ANKRD26: variants seen among roughly 807,000 people sequenced by gnomAD.
ANKRD26 encodes ankyrin repeat domain 26.
Under a neutral mutation model 208.7 loss-of-function variants are expected in ANKRD26, and 141 were observed. That is an observed-to-expected ratio of 0.68 (90% confidence interval 0.59 to 0.78). The LOEUF is 0.78. Among genes scored for constraint, ANKRD26 ranks in the 30% least tolerant of loss-of-function variants. The pLI is 0.00. For synonymous variants in ANKRD26, 636 were observed against 660.4 expected (o/e 0.96, Z 0.57); for missense variants, 1,889 against 1,938.7 (o/e 0.97, Z 0.48).
intron 12 of ANKRD26, among the ~76,000 whole-genome samples, chr10:27,062,898 G>A (rs534680247): frequency 3.2e-4 from 49 of 151,976 alleles, no homozygotes; most frequent in African/African-American, 1.0e-3. Flanking sequence ...CTCCCAAGTA[G>A]CTAGGATTAC....
intron 6 of ANKRD26, among the ~76,000 whole-genome samples, chr10:27,081,949 G>T (rs558352560): frequency 1.3e-5 from 2 of 151,464 alleles, no homozygotes; most frequent in African/African-American, 4.9e-5. Context: ...TGTTAGCCAG[G>T]CTGGTCTCGA....
intron 4 of ANKRD26, chr10:27,088,424 G>C (rs942000020): frequency 6.6e-6 from 1 of 152,198 alleles, no homozygotes; most frequent in Non-Finnish European, 1.5e-5. Flanking sequence ...GCTGAAGCAA[G>C]CACAAAACCC....
At chr10:27,032,113 A>G (rs530218646) in intron 25 of ANKRD26, among the ~76,000 whole-genome samples, 24 of 152,358 alleles carry the variant, frequency 1.6e-4, no homozygotes, top group South Asian at 6.2e-4. Context: ...CTCAACTTCC[A>G]TGAGGAATGA....
At chr10:27,080,110 T>A in intron 6 of ANKRD26, 1 of 370,950 alleles carries the variant, frequency 2.7e-6, no homozygotes. Flanking sequence ...TGAGCTGAGA[T>A]CATGCTGTAG....
intron 33 of ANKRD26, among the ~76,000 whole-genome samples, chr10:27,006,556 C>T (rs2052889071): frequency 6.6e-6 from 1 of 152,110 alleles, no homozygotes; most frequent in Admixed American, 6.5e-5. Flanking sequence ...CTTAAATCAC[C>T]ACCATAACCT....
At chr10:27,065,863 T>C (rs1052226578) in intron 11 of ANKRD26, among the ~76,000 whole-genome samples, 4 of 133,558 alleles carry the variant, frequency 3.0e-5, no homozygotes, top group Non-Finnish European at 6.4e-5. Context: ...TTCTTTCTTT[T>C]TTTTTTTTTT....
chr10:27,054,966 G>A (rs1443097769), intron 15 of ANKRD26, among the ~76,000 whole-genome samples: 1 of 152,166 alleles, frequency 6.6e-6, no homozygotes. Context: ...ATACTGTGGA[G>A]AGAATGAATT....
In ANKRD26 at chr10:26,981,356, GTGC is replaced by G. The variant is rs371773809; in HGVS notation, c.*18-520_*18-518del. ...TTTTATAGGATGGTCTTTGTGCTGTGTGCTGAAGAGGGCTGTGTGCAATACTGA... is the reference window on the plus strand; with the variant it reads ...TTTTATAGGATGGTCTTTGTGCTGTGTGAAGAGGGCTGTGTGCAATACTGA... On this transcript the variant is annotated intron_variant and NMD_transcript_variant, in intron 4 of 5. Transcript: ENST00000674670. Among the ~76,000 whole-genome samples, 21 of 152,338 alleles carry G rather than the reference GTGC, an allele frequency of 1.4e-4. 1 individual carries two copies. In the East Asian group the frequency reaches 3.5e-3, roughly 25 times the overall value.
At chr10:27,051,946 CT>C (rs2054677119) in intron 16 of ANKRD26, 12 of 985,252 alleles carry the variant, frequency 1.2e-5, no homozygotes, top group Non-Finnish European at 1.4e-5. Context: ...TCTAATTTGC[CT>C]TGTTTGGTCC....
At chr10:27,064,456 C>T (rs772007427) in intron 11 of ANKRD26, among the ~76,000 whole-genome samples, 3 of 151,978 alleles carry the variant, frequency 2.0e-5, no homozygotes, top group East Asian at 1.9e-4. Flanking sequence ...GAACTTATTC[C>T]GGTTCGGGGG....
chr10:26,962,798 T>A, the ANKRD26 span, among the ~76,000 whole-genome samples: 1 of 152,076 alleles, frequency 6.6e-6, no homozygotes, highest in Non-Finnish European at 1.5e-5. Flanking sequence ...CAACAACAGA[T>A]AAATCGCTTG....
downstream of ANKRD26, among the ~76,000 whole-genome samples, chr10:26,973,113 A>T (rs954469513): frequency 6.6e-6 from 1 of 152,162 alleles, no homozygotes; most frequent in Admixed American, 6.5e-5. Flanking sequence ...CTGTTAAAAC[A>T]AATGTGTTCA....
chr10:27,022,284 G>C (rs905265663), intron 29 of ANKRD26, among the ~76,000 whole-genome samples: 2 of 152,100 alleles, frequency 1.3e-5, no homozygotes, highest in Non-Finnish European at 2.9e-5. Flanking sequence ...GGTGAGAGAA[G>C]GGAGAGGAAT....
At chr10:27,095,822 T>C (rs2135753480) in intron 1 of ANKRD26, among the ~76,000 whole-genome samples, 1 of 152,320 alleles carries the variant, frequency 6.6e-6, no homozygotes, top group East Asian at 1.9e-4. Flanking sequence ...AGACTATGTT[T>C]TCACCTGCAA....
chr10:27,051,853 A>G, intron 16 of ANKRD26: 1 of 985,356 alleles, frequency 1.0e-6, no homozygotes, highest in Non-Finnish European at 1.2e-6. Flanking sequence ...TCCCCAGGAG[A>G]AGCAGTAATT....
In ANKRD26 at chr10:27,006,771, A is replaced by C. The variant is rs548002978; in HGVS notation, c.4999+146T>G. ...TCACTATGAATATTCATGTTTTCAC[A>C]TCTTTCATTAGATGTGTGTAAGAAA... On this transcript the variant is annotated intron_variant, in intron 33 of 33. Transcript: ENST00000376087. 9.8e-5 allele frequency: 64 copies of C among 654,552 alleles called. No homozygotes were observed. In the South Asian group the frequency reaches 1.2e-3, roughly 12 times the overall value. 40.5% of individuals were successfully genotyped at this position (654,552 alleles called of 1,614,324 possible).
intron 4 of ANKRD26, chr10:26,995,222 G>C (rs1195237484): frequency 2.1e-6 from 1 of 469,522 alleles, no homozygotes; most frequent in African/African-American, 2.0e-5. Flanking sequence ...AAAACTTCAC[G>C]GAGGTTAACC....
downstream of ANKRD26, among the ~76,000 whole-genome samples, chr10:26,990,294 C>A (rs1164884989): frequency 6.6e-6 from 1 of 152,166 alleles, no homozygotes; most frequent in Non-Finnish European, 1.5e-5. Context: ...TGTTCCACAG[C>A]TGTGTGGGGG....
chr10:26,951,008 C>CTTTTTTTT, the ANKRD26 span, among the ~76,000 whole-genome samples: 1 of 62,694 alleles, frequency 1.6e-5, no homozygotes, highest in African/African-American at 8.6e-5. Flanking sequence ...TTTTTCTTTT[C>CTTTTTTTT]TTTTCTTTTT....
Sources: gnomAD v4.1 joint callset for allele counts (sites outside exome capture counted in the v4.1 genomes callset) on GRCh38, gnomAD v4.1.1 for gene constraint, MANE v1.5 for transcripts, NCBI Gene and HGNC (gene_info 2026-07-23, HGNC 2026-07-21) for gene names.